Variants in PTGR3 observed in about 807,000 individuals in gnomAD.
The protein encoded by PTGR3 is zinc binding alcohol dehydrogenase domain containing 2.
chr18:75,208,528 G>A, the PTGR3 span: 3 of 1,082,056 alleles, frequency 2.8e-6, no homozygotes, highest in African/African-American at 3.3e-5. Flanking sequence ...CTCCCCTTCT[G>A]GGTCCCGTCG....
At chr18:75,201,185 G>T in the PTGR3 span, 1 of 527,876 alleles carries the variant, frequency 1.9e-6, no homozygotes, top group Non-Finnish European at 3.3e-6. Context: ...AGAATTGAAT[G>T]TAAGCGTTTT....
chr18:75,201,199 T>G, the PTGR3 span: 1 of 549,930 alleles, frequency 1.8e-6, no homozygotes, highest in Non-Finnish European at 3.2e-6. Flanking sequence ...GCGTTTTCCC[T>G]CTTAGCCATG....
At chr18:75,202,598 A>G in the PTGR3 span, among the ~76,000 whole-genome samples, 2 of 151,748 alleles carry the variant, frequency 1.3e-5, no homozygotes, top group East Asian at 1.9e-4. Context: ...ATCATTTTAA[A>G]TGGCAAGTTG....
the PTGR3 span, among the ~76,000 whole-genome samples, chr18:75,205,834 G>A: frequency 6.6e-6 from 1 of 152,110 alleles, no homozygotes; most frequent in African/African-American, 2.4e-5. Flanking sequence ...TCTCGGCCTG[G>A]AGAGTCAGCA....
chr18:75,209,035 C>T, the PTGR3 span: 2 of 1,566,372 alleles, frequency 1.3e-6, no homozygotes, highest in South Asian at 2.3e-5. The surrounding 1 kb of genome is among the most constrained non-coding windows in gnomAD (Gnocchi z 4.7). Flanking sequence ...TGGCCCGGGC[C>T]CCGGTGGGCA....
At chr18:75,205,638 AAGGCGAGGATTCAAGTCCAG>A in the PTGR3 span, 1 of 284,652 alleles carries the variant, frequency 3.5e-6, no homozygotes, top group Admixed American at 6.5e-5. Flanking sequence ...ACAAAAACCA[AAGGCGAGGATTCAAGTCCAG>A]AGTAAAAGCC....
At chr18:75,199,694 A>G in the PTGR3 span, 1 of 152,590 alleles carries the variant, frequency 6.6e-6, no homozygotes, top group Non-Finnish European at 1.5e-5. Context: ...CTTTGCTATA[A>G]TGAGGACACA....
At chr18:75,201,230 A>ATT in the PTGR3 span, 24 of 482,970 alleles carry the variant, frequency 5.0e-5, no homozygotes, top group South Asian at 1.5e-4. Flanking sequence ...TTATTAGCAC[A>ATT]TTTTTTTTTT....
the PTGR3 span, chr18:75,201,156 C>A: frequency 2.2e-6 from 1 of 447,568 alleles, no homozygotes; most frequent in Non-Finnish European, 4.0e-6. Context: ...ACATCTGGAA[C>A]GAGACCATCC....
chr18:75,198,194 G>A, the PTGR3 span: 1 of 152,198 alleles, frequency 6.6e-6, no homozygotes, highest in African/African-American at 2.4e-5. Flanking sequence ...CCTAAGGCAG[G>A]CATGTGTCTT....
the PTGR3 span, chr18:75,200,571 G>C: frequency 1.3e-5 from 2 of 152,178 alleles, no homozygotes; most frequent in Non-Finnish European, 2.9e-5. Context: ...CCTAGACAGC[G>C]CTTCCCTCCT....
the PTGR3 span, among the ~76,000 whole-genome samples, chr18:75,202,546 T>G: frequency 6.6e-6 from 1 of 152,192 alleles, no homozygotes; most frequent in African/African-American, 2.4e-5. Flanking sequence ...GTCTCAGTTT[T>G]TGGCATATTT....
chr18:75,204,581 C>T, the PTGR3 span, among the ~76,000 whole-genome samples: 1 of 152,200 alleles, frequency 6.6e-6, no homozygotes, highest in Admixed American at 6.5e-5. Flanking sequence ...AACTCCCTCT[C>T]CCTCAGAAGT....
At chr18:75,201,167 A>T in the PTGR3 span, 3 of 489,056 alleles carry the variant, frequency 6.1e-6, no homozygotes, top group African/African-American at 1.9e-5. Context: ...GAGACCATCC[A>T]TGACTAAAGA....
chr18:75,202,665 C>CAAAAAAAAAAAAAAAAAAAAAAAAAGA, the PTGR3 span, among the ~76,000 whole-genome samples: 1 of 79,094 alleles, frequency 1.3e-5, no homozygotes, highest in Non-Finnish European at 3.1e-5. Context: ...TAGAAATAAG[C>CAAAAAAAAAAAAAAAAAAAAAAAAAGA]AAAAAAAAAA....
At chr18:75,207,671 A>G in the PTGR3 span, among the ~76,000 whole-genome samples, 1 of 139,442 alleles carries the variant, frequency 7.2e-6, no homozygotes, top group Non-Finnish European at 1.5e-5. Flanking sequence ...AAAGGTTTCC[A>G]AAAGTTTTAT....
the PTGR3 span, chr18:75,195,353 A>G: frequency 1.3e-5 from 2 of 152,230 alleles, no homozygotes; most frequent in Non-Finnish European, 2.9e-5. Context: ...TATCTCCACA[A>G]AAAGATTCAT....
the PTGR3 span, chr18:75,209,042 G>T: frequency 6.4e-7 from 1 of 1,557,380 alleles, no homozygotes. The surrounding 1 kb of genome is among the most constrained non-coding windows in gnomAD (Gnocchi z 4.7). Flanking sequence ...GGCCCCGGTG[G>T]GCACCAGCCG....
chr18:75,196,133 C>A, the PTGR3 span: 2 of 152,154 alleles, frequency 1.3e-5, no homozygotes, highest in African/African-American at 4.8e-5. Context: ...CTGTTCAGTT[C>A]TTTAGGTGCC....
Sources: gnomAD v4.1 joint callset for allele counts (sites outside exome capture counted in the v4.1 genomes callset) on GRCh38, gnomAD v4.1.1 for gene constraint, Gnocchi (gnomAD v3.1) non-coding constraint, MANE v1.5 for transcripts, NCBI Gene and HGNC (gene_info 2026-07-23, HGNC 2026-07-21) for gene names.